SPTBN4: variants seen among roughly 807,000 people sequenced by gnomAD.
SPTBN4 encodes spectrin beta chain, non-erythrocytic 4.
SPTBN4 carries 96 observed loss-of-function variants against 277.8 expected under a neutral mutation model. That is an observed-to-expected ratio of 0.35 (90% CI 0.29 to 0.41). The LOEUF is 0.41. Ranked by LOEUF, SPTBN4 falls within the 10% of genes least tolerant of loss-of-function variation. The pLI, the probability that SPTBN4 is intolerant of heterozygous loss-of-function variation, is 1.00. For synonymous variants in SPTBN4, 1,481 were observed against 1,580.3 expected, an observed-to-expected ratio of 0.94 and a Z score of 1.49; for missense variants, 3,006 against 3,595.7, an observed-to-expected ratio of 0.84 and a Z score of 4.19.
chr19:40,482,524 C>A (rs1439266854), intron 2 of SPTBN4, among the ~76,000 whole-genome samples: 1 of 152,112 alleles, frequency 6.6e-6, no homozygotes, highest in African/African-American at 2.4e-5. Flanking sequence ...GGCAGCCTGG[C>A]AGGAATGGAG....
chr19:40,470,370 A>G (rs914106709), intron 1 of SPTBN4, among the ~76,000 whole-genome samples: 19 of 151,900 alleles, frequency 1.3e-4, no homozygotes, highest in Middle Eastern at 6.8e-3. Flanking sequence ...CAGTGGTGCC[A>G]TCTTGGCTCA....
Position 40,554,924 on chromosome 19 carries a change from A to G in SPTBN4, c.5084+278A>G. The G allele has an allele frequency of 2.5e-6, 1 of 406,864 alleles. No individual in the cohort carries two copies. The highest frequency in any genetic ancestry group is 4.5e-6 in the Non-Finnish European group (1 of 220,224). 25.2% of individuals were successfully genotyped at this position (406,864 alleles called of 1,614,324 possible). ...GGCGATGTCTAGGACTGGGGTAGAG[A>G]AGAATTTACTCAGGACAGGCAAGGG... On this transcript the variant is annotated intron_variant, in intron 24 of 35. Transcript: ENST00000598249. The surrounding 1 kb of genome is among the most constrained non-coding windows in gnomAD (Gnocchi z 5.7).
At chr19:40,549,510 C>T (rs2080894317) in intron 21 of SPTBN4, 97 bp downstream of exon 21, 1 of 979,384 alleles carries the variant, frequency 1.0e-6, no homozygotes, top group Non-Finnish European at 1.4e-6. Flanking sequence ...CGGCTGAGAC[C>T]CTCCCACTCA....
At chr19:40,533,512 C>T (rs1203959838) in intron 19 of SPTBN4, among the ~76,000 whole-genome samples, 1 of 152,174 alleles carries the variant, frequency 6.6e-6, no homozygotes, top group Non-Finnish European at 1.5e-5. Context: ...TGGATATACA[C>T]ACTTTTCTGA....
At chr19:40,497,143 G>A (rs889950068) in intron 6 of SPTBN4, among the ~76,000 whole-genome samples, 2 of 150,782 alleles carry the variant, frequency 1.3e-5, no homozygotes, top group East Asian at 2.0e-4. Context: ...GTACACACTC[G>A]TATTGTCATA....
chr19:40,513,560 C>T lies in SPTBN4; in HGVS notation c.2765+6C>T, dbSNP rs1371661290. The T allele has an allele frequency of 1.3e-6, 2 of 1,551,364 alleles. No individual in the cohort carries two copies. The highest frequency in any genetic ancestry group is 2.4e-5 in the East Asian group (1 of 41,850). On this transcript the variant is annotated splice_donor_region_variant and intron_variant, in intron 14 of 35. Transcript: ENST00000598249. ...GTCGAGGTGGTGCAGCACCGGTGAG[C>T]GCGCACATGTGGGACTCCGGGGTCC...
intron 2 of SPTBN4, 27 bp from the exon 3 acceptor site, chr19:40,487,669 TG>T: frequency 1.9e-6 from 3 of 1,593,594 alleles, no homozygotes; most frequent in African/African-American, 1.3e-5. Context: ...TGGAAGCGCC[TG>T]GGGGCTCATC....
Position 40,515,498 on chromosome 19 carries a change from C to T in SPTBN4, c.2903+50C>T, listed in dbSNP as rs1277551143. ...CCCTCCCATCCTTCCCTTCCACACT[C>T]ACACAGCCATGGACAGCAAGATGTG... is the stretch of plus-strand genomic sequence containing the variant. On this transcript the variant is annotated intron_variant, in intron 15 of 35. Transcript: ENST00000598249. This position sits in a 1 kb window ranked among gnomAD's most constrained non-coding sequence, Gnocchi z 4.1. 5.9e-6 allele frequency: 9 copies of T among 1,516,898 alleles called. No individual in the cohort carries two copies. The highest frequency in any genetic ancestry group is 2.2e-5 in the Admixed American group (1 of 46,116). The allele number at this position is 1,516,898 out of a possible 1,614,324, so 94.0% of individuals were successfully genotyped here.
intron 17 of SPTBN4, among the ~76,000 whole-genome samples, chr19:40,526,241 C>T (rs1428569740): frequency 1.4e-5 from 2 of 143,102 alleles, no homozygotes; most frequent in Non-Finnish European, 3.0e-5. Context: ...GGCGCGATCT[C>T]GCCTCACTGC....
chr19:40,499,433 A>C (rs1235225530), intron 7 of SPTBN4, among the ~76,000 whole-genome samples: 1 of 152,150 alleles, frequency 6.6e-6, no homozygotes, highest in Non-Finnish European at 1.5e-5. Flanking sequence ...TGTGTTGCCC[A>C]GGCTGGAGTG....
At chr19:40,556,421 A>T (rs2080979826) in intron 25 of SPTBN4, 133 bp downstream of exon 25, 2 of 790,428 alleles carry the variant, frequency 2.5e-6, no homozygotes, top group Admixed American at 5.7e-5. Flanking sequence ...ATGAGTTAAT[A>T]TAACGTAAAG....
Position 40,512,915 on chromosome 19 carries a change from GC to G in SPTBN4, c.2127del (p.Arg711GlyfsTer32). 7.0e-7 allele frequency: 1 copy of G among 1,427,400 alleles called. No homozygotes were observed. Among genetic ancestry groups the G allele is most frequent in the Admixed American group, 3.2e-5 (1 of 30,782 alleles). 88.4% of individuals were successfully genotyped at this position (1,427,400 alleles called of 1,614,324 possible). ...AQHKILQGEL[G>X]GRRALLQQAL... ...CACAAGATCCTGCAGGGCGAGCTGG[GC>G]GGGCGGCGAGCGTTGCTGCAGCAGG... On this transcript the variant is annotated frameshift_variant, in exon 14 of 36. Transcript: ENST00000598249. LOFTEE classifies it high-confidence loss of function.
chr19:40,567,590 GCCTCCCCGGA>G, intron 30 of SPTBN4, 63 bp from the exon 31 acceptor site: 1 of 1,369,120 alleles, frequency 7.3e-7, no homozygotes, highest in Non-Finnish European at 9.5e-7. Context: ...AACCCAGGCC[GCCTCCCCGGA>G]CCTCCCCCTT....
Position 40,516,471 on chromosome 19 carries a change from TA to T in SPTBN4, c.2903+1031del, listed in dbSNP as rs1296890419. Among the ~76,000 whole-genome samples, 8 of 151,930 alleles carry T rather than the reference TA, an allele frequency of 5.3e-5. No homozygotes were observed. In the East Asian group the frequency reaches 1.4e-3, roughly 26 times the overall value. ...GTGCATATCACCATGCCCAGCTAAT[TA>T]AAAAAAATTTTTTTTGTAGAGACAG... is the stretch of plus-strand genomic sequence containing the variant. On this transcript the variant is annotated intron_variant, in intron 15 of 35. Transcript: ENST00000598249.
In SPTBN4 at chr19:40,490,385, A is replaced by C; in HGVS notation, c.495+137A>C. 8.9e-7 allele frequency: 1 copy of C among 1,123,190 alleles called. No homozygotes were observed. The highest frequency in any genetic ancestry group is 1.2e-6 in the Non-Finnish European group (1 of 804,622). The allele number at this position is 1,123,190 out of a possible 1,614,324, so 69.6% of individuals were successfully genotyped here. On this transcript the variant is annotated intron_variant, in intron 4 of 35. Transcript: ENST00000598249. The surrounding 1 kb of genome is among the most constrained non-coding windows in gnomAD (Gnocchi z 4.3). ...CCTATTCCAGGTGTTAGGGATGAAA[A>C]TAATGATAAAAATAATTGTCACGAT...
At position 40,490,024 on chromosome 19, in the gene SPTBN4, A is replaced by C. The variant is rs2080119350; in HGVS notation, c.322-51A>C. ...TGGAAGCTGCGGGGCCGAGGGCGCC[A>C]TACTCCTGTCTGTCCAGACCCCCGA... On this transcript the variant is annotated intron_variant, in intron 3 of 35. Coordinates refer to ENST00000598249, the MANE Select transcript of SPTBN4 (RefSeq NM_020971.3). This position sits in a 1 kb window ranked among gnomAD's most constrained non-coding sequence, Gnocchi z 4.3. 6.6e-7 allele frequency: 1 copy of C among 1,514,642 alleles called. No homozygotes were observed. The highest frequency in any genetic ancestry group is 2.4e-5 in the East Asian group (1 of 41,646). 93.8% of individuals were successfully genotyped at this position (1,514,642 alleles called of 1,614,324 possible).
intron 13 of SPTBN4, among the ~76,000 whole-genome samples, chr19:40,506,724 T>A (rs529016729): frequency 1.3e-5 from 2 of 152,296 alleles, no homozygotes; most frequent in Admixed American, 1.3e-4. Flanking sequence ...ATGCCTATAA[T>A]TCCAGCCCTT....
chr19:40,505,382 CAAAAAAAAAAAA>C (rs1209780246), intron 12 of SPTBN4, among the ~76,000 whole-genome samples: 1 of 55,864 alleles, frequency 1.8e-5, no homozygotes, highest in Non-Finnish European at 3.3e-5. Context: ...GACCCTGTCT[CAAAAAAAAAAAA>C]AAAAAAAAAA....
intron 2 of SPTBN4, among the ~76,000 whole-genome samples, chr19:40,478,606 C>G (rs2079974854): frequency 6.6e-6 from 1 of 151,688 alleles, no homozygotes; most frequent in Non-Finnish European, 1.5e-5. Flanking sequence ...AGTGCAATGG[C>G]ACGATCTTGG....
Sources: allele counts gnomAD v4.1 joint callset (sites outside exome capture counted in the v4.1 genomes callset), GRCh38; gene constraint gnomAD v4.1.1; non-coding constraint Gnocchi (gnomAD v3.1); transcripts MANE v1.5; gene names NCBI Gene and HGNC (gene_info 2026-07-23, HGNC 2026-07-21).